The following DNAH8 variants were observed in gnomAD, a reference collection of about 807,000 sequenced individuals.
DNAH8 encodes the protein axonemal beta dynein heavy chain 8.
Under a neutral mutation model 562.1 loss-of-function variants are expected in DNAH8, and 382 were observed. The observed-to-expected ratio is 0.68, with a 90% confidence interval of 0.63 to 0.74. The LOEUF is 0.74. DNAH8 is among the 30% of genes least tolerant of loss of function. DNAH8 has a pLI of 0.00. For missense variants in DNAH8, 5,203 were observed against 5,620.4 expected, an observed-to-expected ratio of 0.93 and a Z score of 2.37; for synonymous variants, 1,881 against 1,919.4, an observed-to-expected ratio of 0.98 and a Z score of 0.52.
chr6:38,989,844 T>C (rs551173257), intron 87 of DNAH8, among the ~76,000 whole-genome samples, 168 bp from the exon 88 acceptor site: 14 of 152,308 alleles, frequency 9.2e-5, no homozygotes, highest in African/African-American at 3.4e-4. Flanking sequence ...CTCTCTCTTT[T>C]CTCCATATAT....
chr6:38,956,596 C>T (rs1762260443), intron 82 of DNAH8, among the ~76,000 whole-genome samples: 1 of 152,166 alleles, frequency 6.6e-6, no homozygotes, highest in Non-Finnish European at 1.5e-5. Context: ...AAGACAAACC[C>T]ATCTGGGCCA....
Position 38,926,144 on chromosome 6 carries a change from C to A in DNAH8, c.11052C>A (p.Leu3684=). The A allele has an allele frequency of 6.2e-7, 1 of 1,613,686 alleles. No individual in the cohort carries two copies. The highest frequency in any genetic ancestry group is 1.3e-5 in the African/African-American group (1 of 74,950). The change falls in exon 74 of 93, where the codon CTC becomes CTA. Residue 3684 remains leucine, a synonymous_variant. Coordinates refer to ENST00000327475, the MANE Select transcript of DNAH8 (RefSeq NM_001206927.2). The part of the protein sequence containing the change: ...IIVTKATRYP[L]LIDPQTQGKT... ...TGACAAAGGCCACCAGATACCCACT[C>A]CTCATAGACCCACAAACTCAAGGCA...
rs1762472851 is a variant in DNAH8, at chr6:38,959,486, GA to G, written c.12451+7971del. Among the ~76,000 whole-genome samples, 3 of 151,864 alleles carry G rather than the reference GA, an allele frequency of 2.0e-5. No individual in the cohort carries two copies. The South Asian group carries it at 6.2e-4, about 31-fold the overall frequency. On this transcript the variant is annotated intron_variant, in intron 82 of 92. Transcript: ENST00000327475. ...TCTATATGCCGACATTGAACTATCT[GA>G]AAAAGAAATTTAAAAAGCAATCCCA...
chr6:39,030,604 G>T lies in DNAH8; in HGVS notation c.*212G>T. The stretch of plus-strand genomic sequence containing the variant: ...CTCTAAATGAATGTTTTTTATTCTG[G>T]GAAATCATATTTCACTATAATTACT... On this transcript the variant is annotated 3_prime_UTR_variant, in exon 93 of 93. Transcript: ENST00000327475. 2.0e-6 allele frequency: 1 copy of T among 493,262 alleles called. No individual in the cohort carries two copies. Among genetic ancestry groups the T allele is most frequent in the Non-Finnish European group, 3.6e-6 (1 of 280,766 alleles). The allele number at this position is 493,262 out of a possible 1,614,324, so 30.6% of individuals were successfully genotyped here.
At chr6:38,717,637 T>G (rs1320613764) in intron 1 of DNAH8, among the ~76,000 whole-genome samples, 1 of 151,754 alleles carries the variant, frequency 6.6e-6, no homozygotes, top group African/African-American at 2.4e-5. Context: ...ATTTTTTTTT[T>G]TTTTTTAGAA....
At chr6:38,771,891 C>T (rs764191892) in intron 12 of DNAH8, among the ~76,000 whole-genome samples, 7 of 152,034 alleles carry the variant, frequency 4.6e-5, no homozygotes, top group Non-Finnish European at 1.0e-4. Flanking sequence ...TGTCATTTCT[C>T]TTGGGTATAT....
intron 22 of DNAH8, among the ~76,000 whole-genome samples, chr6:38,804,970 G>A (rs1771138415): frequency 6.6e-6 from 1 of 152,002 alleles, no homozygotes; most frequent in Non-Finnish European, 1.5e-5. Flanking sequence ...TAAGGGCCAG[G>A]GATGCTGTTA....
At position 38,925,712 on chromosome 6, in the gene DNAH8, C is replaced by G. The variant is rs1332125237; in HGVS notation, c.10963-343C>G. On this transcript the variant is annotated intron_variant, in intron 73 of 92. Coordinates refer to ENST00000327475, the MANE Select transcript of DNAH8 (RefSeq NM_001206927.2). ...AATTGCCTGGGACTTACCTTGTTCTCTGACATTTCATTATATTCACTATCT... is the reference window on the plus strand; with the variant it reads ...AATTGCCTGGGACTTACCTTGTTCTGTGACATTTCATTATATTCACTATCT... Among the ~76,000 whole-genome samples the G allele has an allele frequency of 3.3e-5, 5 of 152,146 alleles. No individual in the cohort carries two copies. The South Asian group carries it at 1.0e-3, about 31-fold the overall frequency.
rs1767609348 is a variant in DNAH8 at position 39,030,581 on chromosome 6, CTAAA to C, written c.*191_*194del. 1 of 538,826 alleles carries C rather than the reference CTAAA, an allele frequency of 1.9e-6. No individual in the cohort carries two copies. The highest frequency in any genetic ancestry group is 2.8e-5 in the South Asian group (1 of 35,302). The allele number at this position is 538,826 out of a possible 1,614,324, so 33.4% of individuals were successfully genotyped here. A position where few individuals can be genotyped will look rare whatever the true frequency, so the allele number is the denominator to read the frequency against. Reference sequence around the variant, plus strand: ...CATATCAATATTCAAAAAGATAACTCTAAATGAATGTTTTTTATTCTGGGAAATC... The same window carrying C: ...CATATCAATATTCAAAAAGATAACTCTGAATGTTTTTTATTCTGGGAAATC... On this transcript the variant is annotated 3_prime_UTR_variant, in exon 93 of 93. Transcript: ENST00000327475.
Position 38,883,032 on chromosome 6 carries a change from A to T in DNAH8, c.7981A>T (p.Thr2661Ser), listed in dbSNP as rs537435730. 1.4e-5 allele frequency: 23 copies of T among 1,597,998 alleles called. No homozygotes were observed. In the South Asian group the frequency reaches 2.4e-4, roughly 17 times the overall value. Residue 2661 changes from threonine (T) to serine (S), a missense_variant, in exon 54 of 93, where the codon ACC becomes TCC. Around this residue, in one of 6 missense-constraint regions of DNAH8, gnomAD observed 977 missense variants for 1,061.8 expected, o/e 0.92. Coordinates refer to ENST00000327475, the MANE Select transcript of DNAH8 (RefSeq NM_001206927.2). ...DNIRTNFLID[T>S]IAKQHKAVLL... is the part of the protein sequence containing the mutation. Reference sequence around the variant, plus strand: ...TATTAGAACAAATTTTTTGATAGACACCATTGCAAAACAACATAAAGTAAG... The same window carrying T: ...TATTAGAACAAATTTTTTGATAGACTCCATTGCAAAACAACATAAAGTAAG...
In DNAH8 at chr6:38,929,515, C is replaced by T. The variant is rs776651442; in HGVS notation, c.11123C>T (p.Thr3708Ile). ...SKEKENDLQVTSLNHKYFRTH... is the reference protein window; with the variant it reads ...SKEKENDLQVISLNHKYFRTH... ...CAATGAGTTCTTTCTGTTTAGGTGA[C>T]ATCTCTGAACCATAAATATTTTCGC... The change falls in exon 75 of 93, where the codon ACA becomes ATA. Residue 3708 changes from threonine (T) to isoleucine (I), a missense_variant. Thr to Ile is a moderately conservative substitution (Grantham distance 89). Transcript: ENST00000327475. The T allele has an allele frequency of 9.9e-6, 16 of 1,608,274 alleles. No homozygotes were observed. The highest frequency in any genetic ancestry group is 1.7e-4 in the Middle Eastern group (1 of 6,042).
intron 81 of DNAH8, 68 bp downstream of exon 81, chr6:38,949,638 A>G: frequency 1.0e-6 from 1 of 981,422 alleles, no homozygotes; most frequent in Non-Finnish European, 1.6e-6. Context: ...ATTTTATCTC[A>G]GTGAGTTTAC....
intron 75 of DNAH8, among the ~76,000 whole-genome samples, chr6:38,930,538 A>G (rs1294816797): frequency 6.6e-6 from 1 of 152,166 alleles, no homozygotes; most frequent in African/African-American, 2.4e-5. Context: ...TTAAGCCTTT[A>G]TGAGTTTATA....
chr6:38,791,464 A>G lies in DNAH8; in HGVS notation c.2782-91A>G. 6 of 1,414,128 alleles carry G rather than the reference A, an allele frequency of 4.2e-6. No individual in the cohort carries two copies. The African/African-American group carries it at 8.7e-5, about 21-fold the overall frequency. 87.6% of individuals were successfully genotyped at this position (1,414,128 alleles called of 1,614,324 possible). On this transcript the variant is annotated intron_variant, in intron 20 of 92. Transcript: ENST00000327475. The stretch of plus-strand genomic sequence containing the variant: ...TGCAAGTTTCTAGACTTAGCCTTCT[A>G]AATTAATTTATAACTCAAGCCTCTT...
At chr6:38,958,646 CAAA>C (rs35382684) in intron 82 of DNAH8, among the ~76,000 whole-genome samples, 6 of 58,888 alleles carry the variant, frequency 1.0e-4, no homozygotes, top group East Asian at 9.9e-4. Context: ...AGTCTCCCAT[CAAA>C]AAAAAAAAAA....
intron 33 of DNAH8, among the ~76,000 whole-genome samples, chr6:38,841,731 T>C (rs1774810763): frequency 6.6e-6 from 1 of 152,154 alleles, no homozygotes; most frequent in Non-Finnish European, 1.5e-5. Context: ...TGGGATTTTT[T>C]TTTTTGGATA....
At chr6:38,749,802 G>A (rs1293123162) in intron 8 of DNAH8, among the ~76,000 whole-genome samples, 1 of 152,126 alleles carries the variant, frequency 6.6e-6, no homozygotes, top group East Asian at 1.9e-4. Context: ...CACTTTGCTA[G>A]TAAGGTTTTG....
chr6:38,742,445 T>C lies in DNAH8; in HGVS notation c.1293+558T>C, dbSNP rs536124457. 9.9e-5 allele frequency among the ~76,000 whole-genome samples: 15 copies of C among 151,824 alleles called. No homozygotes were observed. In the East Asian group the frequency reaches 2.9e-3, roughly 29 times the overall value. On this transcript the variant is annotated intron_variant, in intron 8 of 92. Coordinates refer to ENST00000327475, the MANE Select transcript of DNAH8 (RefSeq NM_001206927.2). ...CCTGAGTAGCTGGGACTAACAGGCA[T>C]GCCCCACCACCACGCCCGGCTAATT...
At chr6:38,754,273 C>T (rs936390172) in intron 9 of DNAH8, among the ~76,000 whole-genome samples, 2 of 152,110 alleles carry the variant, frequency 1.3e-5, no homozygotes, top group Admixed American at 1.3e-4. Context: ...CCATTTGATG[C>T]CATCCCTGAG....
Sources: allele counts gnomAD v4.1 joint callset (sites outside exome capture counted in the v4.1 genomes callset), GRCh38; gene constraint gnomAD v4.1.1; regional missense constraint gnomAD v4.1.1; transcripts MANE v1.5; gene names NCBI Gene and HGNC (gene_info 2026-07-23, HGNC 2026-07-21).